The following FAM193A variants were observed in gnomAD, a reference collection of about 807,000 sequenced individuals.
The protein encoded by FAM193A is family with sequence similarity 193 member A, also known as protein FAM193A.
FAM193A carries 22 observed loss-of-function variants against 126.5 expected under a neutral mutation model. That is an observed-to-expected ratio of 0.17 (90% confidence interval 0.12 to 0.25). The LOEUF is 0.25. Ranked by LOEUF, FAM193A falls within the 10% of genes least tolerant of loss-of-function variation. FAM193A has a pLI of 1.00. For synonymous variants in FAM193A, 761 were observed against 646.8 expected (o/e 1.18, Z -2.68); for missense variants, 1,675 against 1,672.8 (o/e 1.00, Z -0.02).
At position 2,662,831 on chromosome 4, in the gene FAM193A, G is replaced by A. The variant is rs770255509; in HGVS notation, c.1746-7G>A. 1.7e-5 allele frequency: 28 copies of A among 1,603,056 alleles called. No homozygotes were observed. The highest frequency in any genetic ancestry group is 2.4e-5 in the Non-Finnish European group (28 of 1,170,836). ...GACCTCACAGTGACCATCTCTGCTT[G>A]TGTCAGTTGTAGTGATGATGAAGAT... is the stretch of plus-strand genomic sequence containing the variant. On this transcript the variant is annotated splice_region_variant and splice_polypyrimidine_tract_variant and intron_variant, in intron 10 of 20. Coordinates refer to ENST00000637812, the MANE Select transcript of FAM193A (RefSeq NM_001366318.2).
At chr4:2,553,450 G>C (rs904354733) in intron 1 of FAM193A, among the ~76,000 whole-genome samples, 1 of 147,430 alleles carries the variant, frequency 6.8e-6, no homozygotes, top group Non-Finnish European at 1.5e-5. Flanking sequence ...GTGCGATTTC[G>C]GCTCACCGCA....
At chr4:2,536,173 G>C (rs1321238625), upstream of FAM193A, among the ~76,000 whole-genome samples, 1 of 151,106 alleles carries the variant, frequency 6.6e-6, no homozygotes. Context: ...GAGGCGGGCG[G>C]GGCGGGCGGG....
intron 20 of FAM193A, among the ~76,000 whole-genome samples, chr4:2,725,352 G>A (rs1445445689): frequency 6.7e-6 from 1 of 150,356 alleles, no homozygotes; most frequent in Non-Finnish European, 1.5e-5. Flanking sequence ...GGAAGCTCAG[G>A]TTGGGGAGGG....
intron 18 of FAM193A, among the ~76,000 whole-genome samples, chr4:2,698,149 A>G (rs1190767080): frequency 6.6e-6 from 1 of 152,220 alleles, no homozygotes; most frequent in Non-Finnish European, 1.5e-5. Context: ...TGTTGAAGGG[A>G]CAGCAATAGT....
At chr4:2,693,940 C>G in intron 16 of FAM193A, 66 bp downstream of exon 16, 1 of 1,501,396 alleles carries the variant, frequency 6.7e-7, no homozygotes, top group East Asian at 2.3e-5. Context: ...CTCACTAACA[C>G]AGCTACAGAA....
chr4:2,577,683 T>C (rs990047214), intron 1 of FAM193A, among the ~76,000 whole-genome samples: 7 of 152,054 alleles, frequency 4.6e-5, no homozygotes, highest in Non-Finnish European at 7.4e-5. Flanking sequence ...CCTCCTGAAG[T>C]GCTGGGATTA....
chr4:2,702,337 G>A (rs1477226838), intron 19 of FAM193A, among the ~76,000 whole-genome samples: 4 of 152,114 alleles, frequency 2.6e-5, no homozygotes. Context: ...CAGCCTTTAA[G>A]CATTTTATAC....
At chr4:2,567,929 C>CT (rs547645615) in intron 1 of FAM193A, among the ~76,000 whole-genome samples, 6 of 152,220 alleles carry the variant, frequency 3.9e-5, no homozygotes, top group Admixed American at 6.5e-5. Context: ...AGGGGTGTGG[C>CT]TGTTGCCCTC....
chr4:2,540,665 A>G (rs146302774), intron 1 of FAM193A, among the ~76,000 whole-genome samples: 45 of 152,152 alleles, frequency 3.0e-4, no homozygotes, highest in African/African-American at 9.6e-4. Context: ...CAAACGAACA[A>G]AAACGAAAAA....
In FAM193A at chr4:2,547,604, C is replaced by CTGTGTGTGTGTGTG. The variant is rs34348453; in HGVS notation, c.255+10442_255+10455dup. Among the ~76,000 whole-genome samples the CTGTGTGTGTGTGTG allele has an allele frequency of 2.1e-5, 3 of 144,926 alleles. No homozygotes were observed. In the South Asian group the frequency reaches 6.6e-4, roughly 32 times the overall value. ...GACCTTAGTATGTGTGTGTGTGTGT[C>CTGTGTGTGTGTGTG]TGTGTGTGTGTGTGTGTGTGTATGT... On this transcript the variant is annotated intron_variant, in intron 1 of 20. Coordinates refer to ENST00000637812, the MANE Select transcript of FAM193A (RefSeq NM_001366318.2).
At chr4:2,552,028 T>TC (rs1553884858) in intron 1 of FAM193A, among the ~76,000 whole-genome samples, 14 of 148,576 alleles carry the variant, frequency 9.4e-5, no homozygotes, top group South Asian at 2.2e-4. Context: ...TTTTTTTTTT[T>TC]CGAGACAGAG....
chr4:2,628,078 G>A (rs545402517), intron 4 of FAM193A, among the ~76,000 whole-genome samples: 2 of 151,976 alleles, frequency 1.3e-5, no homozygotes, highest in African/African-American at 4.8e-5. Flanking sequence ...GTAGAGACAG[G>A]GTTCATCATC....
At chr4:2,654,983 C>T (rs1002031270) in intron 7 of FAM193A, 8 of 559,420 alleles carry the variant, frequency 1.4e-5, no homozygotes, top group Admixed American at 1.1e-4. Context: ...TAGGAAATCA[C>T]GGTATCTTCT....
At chr4:2,695,456 G>C (rs1182870981) in intron 17 of FAM193A, among the ~76,000 whole-genome samples, 1 of 152,082 alleles carries the variant, frequency 6.6e-6, no homozygotes, top group Non-Finnish European at 1.5e-5. Flanking sequence ...TGTGCAGTTG[G>C]GTTTCTCTTG....
At chr4:2,677,104 A>G (rs887808759) in intron 13 of FAM193A, among the ~76,000 whole-genome samples, 6 of 152,050 alleles carry the variant, frequency 3.9e-5, no homozygotes, top group African/African-American at 1.4e-4. Flanking sequence ...TTGGTAATCC[A>G]TTTTTTAGTT....
intron 7 of FAM193A, chr4:2,654,845 T>G (rs1195208669): frequency 5.1e-6 from 2 of 389,054 alleles, no homozygotes; most frequent in Admixed American, 8.2e-5. Context: ...GCATCTTGAG[T>G]GGGGAATGTG....
intron 19 of FAM193A, 65 bp downstream of exon 19, chr4:2,700,609 G>T: frequency 6.5e-7 from 1 of 1,546,770 alleles, no homozygotes; most frequent in Non-Finnish European, 8.7e-7. Context: ...TGATGTGCTA[G>T]TATAGGAAAA....
chr4:2,574,592 A>T (rs910573121), intron 1 of FAM193A, among the ~76,000 whole-genome samples: 2 of 152,108 alleles, frequency 1.3e-5, no homozygotes, highest in Non-Finnish European at 2.9e-5. Flanking sequence ...GTGGAAAGTG[A>T]CTGAGAAGGG....
intron 1 of FAM193A, among the ~76,000 whole-genome samples, chr4:2,574,223 T>G (rs1739453450): frequency 7.1e-6 from 1 of 140,462 alleles, no homozygotes; most frequent in African/African-American, 3.3e-5. Context: ...TCTCTTGACA[T>G]GTGCTGTGGA....
Sources: allele counts gnomAD v4.1 joint callset (sites outside exome capture counted in the v4.1 genomes callset), GRCh38; gene constraint gnomAD v4.1.1; transcripts MANE v1.5; gene names NCBI Gene and HGNC (gene_info 2026-07-23, HGNC 2026-07-21).